Variants in CSRNP3 observed in about 807,000 individuals in gnomAD.
The protein encoded by CSRNP3 is cysteine/serine-rich nuclear protein 3.
Under a neutral mutation model 48.0 loss-of-function variants are expected in CSRNP3, and 12 were observed. That is an observed-to-expected ratio of 0.25 (90% CI 0.16 to 0.41). The LOEUF (loss-of-function observed/expected upper bound fraction) is 0.41. CSRNP3 is among the 10% of genes least tolerant of loss of function. The probability of loss-of-function intolerance (pLI) is 1.00; values close to 1 mark genes in which losing one functional copy is unlikely to be tolerated. For synonymous variants in CSRNP3, 263 were observed against 269.7 expected (o/e 0.98, Z 0.24); for missense variants, 580 against 724.4 (o/e 0.80, Z 2.29).
At chr2:165,471,906 A>G (rs530478660) in intron 1 of CSRNP3, among the ~76,000 whole-genome samples, 1 of 152,164 alleles carries the variant, frequency 6.6e-6, no homozygotes, top group African/African-American at 2.4e-5. Flanking sequence ...TTACTGTCCA[A>G]GTGAAGGATG....
chr2:165,481,936 CAG>C (rs902695744), intron 1 of CSRNP3, among the ~76,000 whole-genome samples: 2 of 151,994 alleles, frequency 1.3e-5, no homozygotes, highest in African/African-American at 4.8e-5. Flanking sequence ...CTCGAGGAGA[CAG>C]AGTGCGGGAA....
intron 3 of CSRNP3, among the ~76,000 whole-genome samples, chr2:165,539,863 A>G (rs754784374): frequency 2.6e-5 from 4 of 152,072 alleles, no homozygotes; most frequent in Non-Finnish European, 4.4e-5. Flanking sequence ...GATTTTTGCT[A>G]AGGGTGTTTG....
chr2:165,518,464 A>G (rs1172766022), intron 3 of CSRNP3, among the ~76,000 whole-genome samples: 1 of 151,964 alleles, frequency 6.6e-6, no homozygotes, highest in Non-Finnish European at 1.5e-5. Context: ...CGATAAAATG[A>G]CAATTAATAT....
At chr2:165,569,226 G>A (rs1264804781) in intron 3 of CSRNP3, among the ~76,000 whole-genome samples, 1 of 152,018 alleles carries the variant, frequency 6.6e-6, no homozygotes, top group Non-Finnish European at 1.5e-5. Context: ...TGAAGGAGAA[G>A]AAAATATAGC....
chr2:165,505,340 C>T (rs1684412090), intron 2 of CSRNP3, among the ~76,000 whole-genome samples: 1 of 152,002 alleles, frequency 6.6e-6, no homozygotes, highest in Non-Finnish European at 1.5e-5. Context: ...AGAAAAAACT[C>T]AAAACATTAG....
intron 4 of CSRNP3, among the ~76,000 whole-genome samples, chr2:165,605,390 C>T (rs1685992603): frequency 6.6e-6 from 1 of 152,028 alleles, no homozygotes. Context: ...TTAGTATAGC[C>T]ATCCCTGGTC....
Position 165,510,163 on chromosome 2 carries a change from T to A in CSRNP3, c.-112-7710T>A, listed in dbSNP as rs183734100. On this transcript the variant is annotated intron_variant, in intron 2 of 6. Coordinates refer to ENST00000651982, the MANE Select transcript of CSRNP3 (RefSeq NM_001172173.2). ...CAAGATTTATCCACTGTAGCATTACTATTTTTATTTTTTCACGCTCTGTTT... is the reference window on the plus strand; with the variant it reads ...CAAGATTTATCCACTGTAGCATTACAATTTTTATTTTTTCACGCTCTGTTT... Among the ~76,000 whole-genome samples, 393 of 152,260 alleles carry A rather than the reference T, an allele frequency of 2.6e-3. 1 individual carries two copies. Among genetic ancestry groups the A allele is most frequent in the Non-Finnish European group, 3.0e-3 (201 of 68,016 alleles).
intron 3 of CSRNP3, among the ~76,000 whole-genome samples, chr2:165,570,672 A>G (rs564663735): frequency 4.0e-5 from 6 of 151,788 alleles, no homozygotes; most frequent in Admixed American, 1.3e-4. Context: ...TATATTAACT[A>G]GGATGTACAT....
At chr2:165,630,308 T>G (rs1479209111) in intron 4 of CSRNP3, among the ~76,000 whole-genome samples, 1 of 152,204 alleles carries the variant, frequency 6.6e-6, no homozygotes, top group Non-Finnish European at 1.5e-5. Context: ...GAATAGCCAT[T>G]TTTATTTCTT....
intron 5 of CSRNP3, among the ~76,000 whole-genome samples, chr2:165,663,381 G>A (rs990110650): frequency 5.9e-5 from 9 of 152,086 alleles, no homozygotes; most frequent in South Asian, 2.1e-4. Context: ...CAGAGCTTCC[G>A]GAATGCATCC....
intron 4 of CSRNP3, among the ~76,000 whole-genome samples, chr2:165,642,513 C>T (rs1024998492): frequency 6.8e-4 from 103 of 150,862 alleles, no homozygotes; most frequent in African/African-American, 2.0e-3. Flanking sequence ...TAAGAGTAGA[C>T]GTGGCATTGA....
intron 4 of CSRNP3, among the ~76,000 whole-genome samples, chr2:165,651,758 C>A (rs371499374): frequency 1.3e-5 from 2 of 151,076 alleles, no homozygotes; most frequent in Admixed American, 1.3e-4. Context: ...CGGGTTCAAG[C>A]GATTCTCCTG....
At chr2:165,599,750 T>C (rs886679504) in intron 4 of CSRNP3, among the ~76,000 whole-genome samples, 1 of 152,194 alleles carries the variant, frequency 6.6e-6, no homozygotes, top group African/African-American at 2.4e-5. Flanking sequence ...TGGGCTTCTC[T>C]GCAATGGTTT....
chr2:165,511,431 G>A (rs1263569253), intron 2 of CSRNP3, among the ~76,000 whole-genome samples: 2 of 152,120 alleles, frequency 1.3e-5, no homozygotes, highest in African/African-American at 2.4e-5. Flanking sequence ...AAGACAGAGG[G>A]TATAATTGAA....
chr2:165,476,031 G>A (rs879566096), intron 1 of CSRNP3, among the ~76,000 whole-genome samples: 1 of 152,060 alleles, frequency 6.6e-6, no homozygotes, highest in South Asian at 2.1e-4. Flanking sequence ...TATAATACAA[G>A]TGTTAATTAA....
At chr2:165,559,976 T>A (rs1265633358) in intron 3 of CSRNP3, among the ~76,000 whole-genome samples, 1 of 151,984 alleles carries the variant, frequency 6.6e-6, no homozygotes, top group Non-Finnish European at 1.5e-5. Flanking sequence ...ATTTTTTGCA[T>A]TTTTAGTAGA....
intron 3 of CSRNP3, among the ~76,000 whole-genome samples, chr2:165,566,526 C>T (rs779532980): frequency 1.3e-5 from 2 of 151,740 alleles, no homozygotes; most frequent in African/African-American, 2.4e-5. Flanking sequence ...GTAGCTACCT[C>T]ATAGGCTTGT....
In CSRNP3 at chr2:165,541,285, A is replaced by G. The variant is rs377534757; in HGVS notation, c.-24+23324A>G. ...TCTTTTTTAATTGGATAATTCACAT[A>G]TTGGATATTATACAAGTTCATAAAG... On this transcript the variant is annotated intron_variant, in intron 3 of 6. Transcript: ENST00000651982. Among the ~76,000 whole-genome samples, 56 of 151,542 alleles carry G rather than the reference A, an allele frequency of 3.7e-4. No individual in the cohort carries two copies. In the South Asian group the frequency reaches 0.011, roughly 30 times the overall value.
chr2:165,528,500 G>T (rs892357981), intron 3 of CSRNP3, among the ~76,000 whole-genome samples: 1 of 152,210 alleles, frequency 6.6e-6, no homozygotes. Context: ...CTTTTGTAAC[G>T]AATATGAGAT....
Sources: gnomAD v4.1 joint callset for allele counts (sites outside exome capture counted in the v4.1 genomes callset) on GRCh38, gnomAD v4.1.1 for gene constraint, MANE v1.5 for transcripts, NCBI Gene and HGNC (gene_info 2026-07-23, HGNC 2026-07-21) for gene names.